The following POMZP3 variants were observed in gnomAD, a reference collection of about 807,000 sequenced individuals.
POMZP3 encodes POM121 and ZP3 fusion.
In POMZP3, 10 loss-of-function variants were observed where a neutral mutation model predicts 19.8. The ratio of observed to expected loss-of-function variants is 0.51; its 90% CI spans 0.31 to 0.86. POMZP3 has a LOEUF of 0.86. Among genes scored for constraint, POMZP3 ranks in the 40% least tolerant of loss-of-function variants. POMZP3 has a pLI of 0.04. For synonymous variants in POMZP3, 57 were observed against 85.8 expected, an observed-to-expected ratio of 0.66 and a Z score of 1.85; for missense variants, 152 against 228.1, an observed-to-expected ratio of 0.67 and a Z score of 2.15.
chr7:76,622,595 A>C (rs1023456163), intron 3 of POMZP3, among the ~76,000 whole-genome samples: 6 of 151,152 alleles, frequency 4.0e-5, no homozygotes, highest in Non-Finnish European at 8.9e-5. Context: ...TGAACTCCTG[A>C]CCTCATGATC....
Position 76,626,193 on chromosome 7 carries a change from G to C in POMZP3, c.-129C>G. On this transcript the variant is annotated 5_prime_UTR_variant, in exon 2 of 7. In the 5' UTR this introduces an upstream ATG that the reference lacks. Transcript: ENST00000310842. Reference sequence around the variant, plus strand: ...CGTCTTCGAGGTGTTATTACAAACCGATCTGGTAAAGTCCCACGATCCCTG... The same window carrying C: ...CGTCTTCGAGGTGTTATTACAAACCCATCTGGTAAAGTCCCACGATCCCTG... 1.9e-6 allele frequency: 3 copies of C among 1,568,318 alleles called. No individual in the cohort carries two copies. Among genetic ancestry groups the C allele is most frequent in the Non-Finnish European group, 2.6e-6 (3 of 1,155,642 alleles).
chr7:76,614,687 C>G (rs1214003398), intron 4 of POMZP3, among the ~76,000 whole-genome samples: 2 of 85,452 alleles, frequency 2.3e-5, no homozygotes, highest in Admixed American at 2.2e-4. Flanking sequence ...TAGTGAAACC[C>G]CATCTCTACT....
chr7:76,625,474 T>C, intron 3 of POMZP3, 48 bp downstream of exon 3: 1 of 1,596,432 alleles, frequency 6.3e-7, no homozygotes, highest in Non-Finnish European at 8.6e-7. Context: ...TCTCATCCCA[T>C]AGGAGTCCAA....
chr7:76,626,365 C>A, intron 1 of POMZP3, 150 bp from the exon 2 acceptor site: 1 of 748,214 alleles, frequency 1.3e-6, no homozygotes, highest in Non-Finnish European at 2.1e-6. Context: ...TGGCAACTTT[C>A]CCCTATTCCA....
chr7:76,626,440 G>C, intron 1 of POMZP3: 1 of 602,244 alleles, frequency 1.7e-6, no homozygotes, highest in South Asian at 2.1e-5. Context: ...CAATTTGAGA[G>C]GGAAAATCTA....
At chr7:76,612,031 G>A (rs920865800) in intron 4 of POMZP3, among the ~76,000 whole-genome samples, 4 of 149,096 alleles carry the variant, frequency 2.7e-5, no homozygotes, top group African/African-American at 5.0e-5. Context: ...AAACCCCATC[G>A]CTACTAAAAA....
chr7:76,626,300 C>T, intron 1 of POMZP3, 85 bp from the exon 2 acceptor site: 1 of 1,293,560 alleles, frequency 7.7e-7, no homozygotes, highest in Non-Finnish European at 1.1e-6. Context: ...CCAGTTAAGA[C>T]ATTTTCCAAA....
chr7:76,616,280 CAAAAA>C (rs1161112529), intron 4 of POMZP3, among the ~76,000 whole-genome samples: 6 of 57,706 alleles, frequency 1.0e-4, no homozygotes, highest in African/African-American at 2.3e-4. Flanking sequence ...GAGACTGTCT[CAAAAA>C]AAAAAAAAAA....
intron 3 of POMZP3, among the ~76,000 whole-genome samples, chr7:76,625,215 G>C (rs1320708139): frequency 6.8e-6 from 1 of 147,556 alleles, no homozygotes; most frequent in African/African-American, 2.5e-5. Context: ...AGAAGACTTA[G>C]AGCCTTCTTT....
chr7:76,623,185 GTTTT>G (rs71521144), intron 3 of POMZP3, among the ~76,000 whole-genome samples: 1 of 147,414 alleles, frequency 6.8e-6, no homozygotes, highest in Admixed American at 6.7e-5. Context: ...ATTGATTGTG[GTTTT>G]TTTTTTTTAT....
In POMZP3 at chr7:76,623,261, T is replaced by C. The variant is rs948572449; in HGVS notation, c.227+2261A>G. Among the ~76,000 whole-genome samples, 21 of 151,686 alleles carry C rather than the reference T, an allele frequency of 1.4e-4. No homozygotes were observed. The East Asian group carries it at 2.2e-3, about 16-fold the overall frequency. The stretch of plus-strand genomic sequence containing the variant: ...CCCAAATAAATTCTTAAAACAGTCT[T>C]ATGACTCTTTAATGTCAGAAATCCT... On this transcript the variant is annotated intron_variant, in intron 3 of 6. Coordinates refer to ENST00000310842, the MANE Select transcript of POMZP3 (RefSeq NM_012230.5).
At position 76,625,686 on chromosome 7, in the gene POMZP3, A is replaced by G. The variant is rs1815846986; in HGVS notation, c.66-3T>C. 2.5e-6 allele frequency: 4 copies of G among 1,612,756 alleles called. No individual in the cohort carries two copies. The highest frequency in any genetic ancestry group is 2.5e-6 in the Non-Finnish European group (3 of 1,179,462). On this transcript the variant is annotated splice_region_variant and splice_polypyrimidine_tract_variant and intron_variant, in intron 2 of 6. Coordinates refer to ENST00000310842, the MANE Select transcript of POMZP3 (RefSeq NM_012230.5). The stretch of plus-strand genomic sequence containing the variant: ...TTGAGCTGATTATCTGCTCTGGTCT[A>G]TAATGAAAGACAGGATTCTAGCAGT...
intron 3 of POMZP3, among the ~76,000 whole-genome samples, chr7:76,619,607 A>G: frequency 6.7e-6 from 1 of 148,330 alleles, no homozygotes; most frequent in African/African-American, 2.5e-5. Flanking sequence ...TTTTTTTTGG[A>G]ACTCCTCAAA....
intron 3 of POMZP3, among the ~76,000 whole-genome samples, chr7:76,624,365 A>T (rs1448301360): frequency 1.3e-5 from 2 of 151,694 alleles, no homozygotes; most frequent in African/African-American, 4.8e-5. Flanking sequence ...CCTGCTCAAC[A>T]TGGCGAAACC....
At chr7:76,617,906 T>C (rs1815340330) in intron 4 of POMZP3, among the ~76,000 whole-genome samples, 1 of 119,146 alleles carries the variant, frequency 8.4e-6, no homozygotes, top group Non-Finnish European at 1.7e-5. Context: ...AGGCTGGTCT[T>C]GAACTCCTGA....
In POMZP3 at chr7:76,626,118, C is replaced by T; in HGVS notation, c.-54G>A. ...TTCTTGTGATAACCATTCCAGCACA[C>T]TGTGGGAAGTACCCCCGGACAGGAA... is the stretch of plus-strand genomic sequence containing the variant. On this transcript the variant is annotated 5_prime_UTR_variant, in exon 2 of 7. It adds an upstream start codon to the 5' untranslated region. Transcript: ENST00000310842. 1.2e-6 allele frequency: 2 copies of T among 1,613,356 alleles called. No individual in the cohort carries two copies. The highest frequency in any genetic ancestry group is 3.3e-5 in the Admixed American group (2 of 59,922).
chr7:76,624,723 G>T (rs1016208520), intron 3 of POMZP3, among the ~76,000 whole-genome samples: 2 of 150,550 alleles, frequency 1.3e-5, no homozygotes, highest in African/African-American at 4.9e-5. Flanking sequence ...TGGGATTATA[G>T]GCGTGAGCCA....
At chr7:76,625,822 T>G in intron 2 of POMZP3, 139 bp from the exon 3 acceptor site, 1 of 1,374,010 alleles carries the variant, frequency 7.3e-7, no homozygotes, top group Non-Finnish European at 9.9e-7. Context: ...TAAAGCTACT[T>G]TTTCGTTAAC....
Position 76,626,770 on chromosome 7 carries a change from A to T in POMZP3, c.-214T>A. The T allele has an allele frequency of 1.5e-6, 2 of 1,346,188 alleles. No individual in the cohort carries two copies. Among genetic ancestry groups the T allele is most frequent in the Non-Finnish European group, 1.9e-6 (2 of 1,056,618 alleles). The allele number at this position is 1,346,188 out of a possible 1,614,324, so 83.4% of individuals were successfully genotyped here. A position where few individuals can be genotyped will look rare whatever the true frequency, so the allele number is the denominator to read the frequency against. On this transcript the variant is annotated 5_prime_UTR_variant, in exon 1 of 7. Coordinates refer to ENST00000310842, the MANE Select transcript of POMZP3 (RefSeq NM_012230.5). The stretch of plus-strand genomic sequence containing the variant: ...TGGGGAGAGAGGGGTAAAAGTGGTG[A>T]ACGCGATGGGTCGGCGGGGAGGGCG...
Sources: gnomAD v4.1 joint callset for allele counts (sites outside exome capture counted in the v4.1 genomes callset) on GRCh38, gnomAD v4.1.1 for gene constraint, MANE v1.5 for transcripts, NCBI Gene and HGNC (gene_info 2026-07-23, HGNC 2026-07-21) for gene names.